Variants in PCDHGB1 observed in about 807,000 individuals in gnomAD.
PCDHGB1 encodes the protein protocadherin gamma subfamily B, 1.
Under a neutral mutation model 56.6 loss-of-function variants are expected in PCDHGB1, and 34 were observed. The observed-to-expected ratio is 0.60, with a 90% CI of 0.46 to 0.80. The LOEUF is 0.80. PCDHGB1 is among the 30% of genes least tolerant of loss of function. PCDHGB1 has a pLI of 0.00. For synonymous variants in PCDHGB1, 561 were observed against 505.9 expected (o/e 1.11, Z -1.46); for missense variants, 1,278 against 1,204.6 (o/e 1.06, Z -0.90).
At chr5:141,503,736 T>C (rs1381045077) in intron 2 of PCDHGB1, among the ~76,000 whole-genome samples, 4 of 152,202 alleles carry the variant, frequency 2.6e-5, no homozygotes, top group African/African-American at 9.6e-5. Context: ...TTTGTTGTGA[T>C]GGTATAGAGG....
At position 141,487,670 on chromosome 5, in the gene PCDHGB1, T is replaced by C. The variant is rs2099658277; in HGVS notation, c.2410-7137T>C. 2 of 1,612,302 alleles carry C rather than the reference T, an allele frequency of 1.2e-6. No homozygotes were observed. Among genetic ancestry groups the C allele is most frequent in the Non-Finnish European group, 1.7e-6 (2 of 1,179,082 alleles). On this transcript the variant is annotated intron_variant, in intron 1 of 3. Transcript: ENST00000523390. The surrounding 1 kb of genome is among the most constrained non-coding windows in gnomAD (Gnocchi z 5.0). The stretch of plus-strand genomic sequence containing the variant: ...TGAGGGTTATTCTGATCCAGGCATA[T>C]GGCTAGGCCATGTCCTAGAGAGTAC...
intron 1 of PCDHGB1, chr5:141,360,663 G>A: frequency 6.2e-7 from 1 of 1,613,928 alleles, no homozygotes; most frequent in South Asian, 1.1e-5. Context: ...ATGACAACGA[G>A]TACTTTGATC....
At chr5:141,402,753 A>G (rs914241458) in intron 1 of PCDHGB1, among the ~76,000 whole-genome samples, 8 of 152,326 alleles carry the variant, frequency 5.3e-5, no homozygotes, top group Admixed American at 5.2e-4. Context: ...CTCTAAGCGA[A>G]AATCAGGACT....
chr5:141,360,560 T>G (rs746175290), intron 1 of PCDHGB1: 4 of 1,613,846 alleles, frequency 2.5e-6, no homozygotes, highest in Non-Finnish European at 3.4e-6. Flanking sequence ...AATTTAAAAA[T>G]TGGCGAATCC....
chr5:141,449,756 T>C (rs2098654563), intron 1 of PCDHGB1, among the ~76,000 whole-genome samples: 1 of 151,728 alleles, frequency 6.6e-6, no homozygotes, highest in South Asian at 2.1e-4. Flanking sequence ...TTTATGACAT[T>C]TGAGAGTAAG....
rs1339132086 is a variant in PCDHGB1 at position 141,350,396 on chromosome 5, G to A, written c.136G>A (p.Gly46Arg). 6 of 1,599,342 alleles carry A rather than the reference G, an allele frequency of 3.8e-6. No individual in the cohort carries two copies. The highest frequency in any genetic ancestry group is 5.1e-6 in the Non-Finnish European group (6 of 1,170,144). ...GGAGCTAGCCAACGGCTCACGGGTGGGGAAACTTGCCAAGGATCTGGGGCT... is the reference window on the plus strand; with the variant it reads ...GGAGCTAGCCAACGGCTCACGGGTGAGGAAACTTGCCAAGGATCTGGGGCT... Reference protein sequence around the residue: ...PEELANGSRVGKLAKDLGLSV... With the variant: ...PEELANGSRVRKLAKDLGLSV... Residue 46 changes from glycine (G) to arginine (R), a missense_variant, in exon 1 of 4, where the codon GGG becomes AGG. Gly to Arg is a moderately radical substitution (Grantham distance 125). Transcript: ENST00000523390.
intron 1 of PCDHGB1, chr5:141,354,992 G>A: frequency 1.5e-6 from 1 of 650,704 alleles, no homozygotes; most frequent in Non-Finnish European, 2.4e-6. Flanking sequence ...TCACCAATCA[G>A]GGGGAAAAGA....
At chr5:141,505,592 A>G in intron 3 of PCDHGB1, 111 bp downstream of exon 3, 1 of 1,567,266 alleles carries the variant, frequency 6.4e-7, no homozygotes. Context: ...GTTTCTCCAG[A>G]TCTTTCGGCA....
intron 1 of PCDHGB1, chr5:141,404,243 C>A: frequency 6.2e-7 from 1 of 1,613,810 alleles, no homozygotes; most frequent in Non-Finnish European, 8.5e-7. Flanking sequence ...AGGAACTCCG[C>A]CCCTGTCCAC....
intron 1 of PCDHGB1, among the ~76,000 whole-genome samples, chr5:141,380,738 A>G (rs1282676783): frequency 6.6e-6 from 1 of 152,220 alleles, no homozygotes; most frequent in Non-Finnish European, 1.5e-5. Context: ...CTTTTCTCCA[A>G]AGAAGGTACC....
At position 141,389,882 on chromosome 5, in the gene PCDHGB1, G is replaced by T. The variant is rs761230157; in HGVS notation, c.2409+37213G>T. On this transcript the variant is annotated intron_variant, in intron 1 of 3. Transcript: ENST00000523390. ...TGCACCTGGTCTTCGCCGACAGCTT[G>T]CAGGAGGTGCTGCCGGATATCACTG... 1.1e-5 allele frequency: 18 copies of T among 1,614,082 alleles called. No homozygotes were observed. The South Asian group carries it at 1.9e-4, about 17-fold the overall frequency.
intron 1 of PCDHGB1, among the ~76,000 whole-genome samples, chr5:141,467,055 C>CTTT (rs1193465269): frequency 2.2e-5 from 3 of 134,494 alleles, no homozygotes; most frequent in Admixed American, 7.5e-5. Context: ...TCAATGTTTT[C>CTTT]TTTTTTTTTT....
chr5:141,499,414 T>C (rs543824206), intron 2 of PCDHGB1, among the ~76,000 whole-genome samples: 1 of 151,804 alleles, frequency 6.6e-6, no homozygotes, highest in Non-Finnish European at 1.5e-5. Context: ...TATAGAAACA[T>C]GAAAAATAGA....
chr5:141,427,138 A>G (rs1397576025), intron 1 of PCDHGB1: 1 of 456,954 alleles, frequency 2.2e-6, no homozygotes, highest in Non-Finnish European at 4.4e-6. Context: ...CTACGAGATG[A>G]TATTGGAAAT....
intron 1 of PCDHGB1, among the ~76,000 whole-genome samples, chr5:141,407,024 A>G (rs909800590): frequency 6.6e-6 from 1 of 152,232 alleles, no homozygotes; most frequent in Non-Finnish European, 1.5e-5. Context: ...TCAAAATTCT[A>G]TGCTAAACAT....
chr5:141,427,028 C>T (rs960885416), intron 1 of PCDHGB1: 12 of 456,928 alleles, frequency 2.6e-5, no homozygotes, highest in Admixed American at 2.1e-4. Flanking sequence ...ACAAAGTCAG[C>T]CTTAGAGAGA....
intron 1 of PCDHGB1, chr5:141,417,735 C>T (rs1408012587): frequency 1.4e-6 from 2 of 1,398,382 alleles, no homozygotes; most frequent in African/African-American, 2.9e-5. Flanking sequence ...CCTTGCCCAG[C>T]ACACCAGATT....
rs758481930 is a variant in PCDHGB1, at chr5:141,357,482, C to G, written c.2409+4813C>G. 5 of 1,614,236 alleles carry G rather than the reference C, an allele frequency of 3.1e-6. No individual in the cohort carries two copies. The South Asian group carries it at 4.4e-5, about 14-fold the overall frequency. ...TATTCCCACGAGGTCTCCCTCACCG[C>G]GGACTCGCGGAAGAGTCACCTGATC... is the stretch of plus-strand genomic sequence containing the variant. On this transcript the variant is annotated intron_variant, in intron 1 of 3. Transcript: ENST00000523390.
intron 1 of PCDHGB1, among the ~76,000 whole-genome samples, chr5:141,381,931 G>A (rs1032910832): frequency 6.3e-5 from 9 of 143,684 alleles, no homozygotes; most frequent in African/African-American, 2.3e-4. Context: ...CCGGGTTCAA[G>A]CGATTTTCCT....
Sources: gnomAD v4.1 joint callset for allele counts (sites outside exome capture counted in the v4.1 genomes callset) on GRCh38, gnomAD v4.1.1 for gene constraint, Gnocchi (gnomAD v3.1) non-coding constraint, MANE v1.5 for transcripts, NCBI Gene and HGNC (gene_info 2026-07-23, HGNC 2026-07-21) for gene names.